The following TRPC7 variants were observed in gnomAD, a reference collection of about 807,000 sequenced individuals.
TRPC7 encodes transient receptor potential cation channel subfamily C member 7.
In TRPC7, 42 loss-of-function variants were observed where a neutral mutation model predicts 90.1. That is an observed-to-expected ratio of 0.47 (90% CI 0.36 to 0.60). The LOEUF (loss-of-function observed/expected upper bound fraction) is 0.60. TRPC7 is among the 20% of genes least tolerant of loss of function. The probability of loss-of-function intolerance (pLI) is 0.00; values close to 1 mark genes in which losing one functional copy is unlikely to be tolerated. For missense variants in TRPC7, 955 were observed against 1,112.3 expected, an observed-to-expected ratio of 0.86 and a Z score of 2.01; for synonymous variants, 451 against 436.3, an observed-to-expected ratio of 1.03 and a Z score of -0.42.
intron 5 of TRPC7, among the ~76,000 whole-genome samples, chr5:136,259,071 ATCC>A (rs1756773429): frequency 6.6e-6 from 1 of 152,234 alleles, no homozygotes; most frequent in African/African-American, 2.4e-5. Flanking sequence ...CCTCCTCTTC[ATCC>A]TCCTCTTCTT....
intron 5 of TRPC7, among the ~76,000 whole-genome samples, chr5:136,263,127 C>T (rs142724445): frequency 7.4e-4 from 113 of 152,294 alleles, no homozygotes; most frequent in South Asian, 1.2e-3. Flanking sequence ...AAAGCCGAAC[C>T]GTTTTCAGAG....
intron 1 of TRPC7, among the ~76,000 whole-genome samples, chr5:136,358,140 G>A (rs946827629): frequency 1.3e-5 from 2 of 152,176 alleles, no homozygotes; most frequent in African/African-American, 2.4e-5. Flanking sequence ...ATGTGGCAGG[G>A]AGCAGGACTA....
At chr5:136,292,692 C>T (rs1441769224) in intron 3 of TRPC7, among the ~76,000 whole-genome samples, 2 of 152,166 alleles carry the variant, frequency 1.3e-5, no homozygotes, top group Non-Finnish European at 1.5e-5. Context: ...CAGATGGATT[C>T]ACAGCCGAAT....
chr5:136,227,700 G>A (rs1189056322), intron 8 of TRPC7, among the ~76,000 whole-genome samples: 1 of 152,212 alleles, frequency 6.6e-6, no homozygotes, highest in African/African-American at 2.4e-5. Flanking sequence ...GTGGTATAGT[G>A]CAAAGCACAT....
chr5:136,355,201 C>A (rs1202062476), intron 2 of TRPC7, among the ~76,000 whole-genome samples: 1 of 152,192 alleles, frequency 6.6e-6, no homozygotes, highest in Non-Finnish European at 1.5e-5. Flanking sequence ...TCCAGCTATA[C>A]CTTCTGCAGT....
At chr5:136,266,552 A>G in intron 4 of TRPC7, 116 bp from the exon 5 acceptor site, 1 of 895,486 alleles carries the variant, frequency 1.1e-6, no homozygotes, top group African/African-American at 1.7e-5. Flanking sequence ...TTGGACAGAA[A>G]CTGCTAACTG....
chr5:136,290,366 C>A (rs980927359), intron 3 of TRPC7, among the ~76,000 whole-genome samples: 1 of 152,026 alleles, frequency 6.6e-6, no homozygotes, highest in Non-Finnish European at 1.5e-5. Context: ...GAAGTTCGAA[C>A]CAATGGCAAA....
chr5:136,328,804 C>A lies in TRPC7; in HGVS notation c.781-13025G>T, dbSNP rs188670491. On this transcript the variant is annotated intron_variant, in intron 2 of 11. Coordinates refer to ENST00000513104, the MANE Select transcript of TRPC7 (RefSeq NM_020389.3). ...ATAACTTGTCTATTTGGGGGTTGATCTTCAAGTGCCTCATCTAACAAAGCT... is the reference window on the plus strand; with the variant it reads ...ATAACTTGTCTATTTGGGGGTTGATATTCAAGTGCCTCATCTAACAAAGCT... Among the ~76,000 whole-genome samples the A allele has an allele frequency of 1.1e-3, 165 of 152,354 alleles. 3 individuals carry two copies. Among genetic ancestry groups the A allele is most frequent in the African/African-American group, 3.8e-3 (158 of 41,588 alleles).
At chr5:136,232,091 A>C (rs1399719836) in intron 7 of TRPC7, among the ~76,000 whole-genome samples, 1 of 152,186 alleles carries the variant, frequency 6.6e-6, no homozygotes, top group African/African-American at 2.4e-5. Flanking sequence ...TATTCAATCC[A>C]TTTATTGGGA....
chr5:136,350,209 A>G (rs1481977859), intron 2 of TRPC7, among the ~76,000 whole-genome samples: 1 of 152,166 alleles, frequency 6.6e-6, no homozygotes, highest in Non-Finnish European at 1.5e-5. Context: ...CAAATGAGGA[A>G]ACTACCTTCC....
Position 136,266,362 on chromosome 5 carries a change from T to C in TRPC7, c.1203A>G (p.Leu401=). 1.2e-6 allele frequency: 2 copies of C among 1,613,926 alleles called. No homozygotes were observed. The highest frequency in any genetic ancestry group is 1.7e-6 in the Non-Finnish European group (2 of 1,179,824). Residue 401 remains leucine (L), a synonymous_variant, in exon 5 of 12, where the codon TTA becomes TTG. Coordinates refer to ENST00000513104, the MANE Select transcript of TRPC7 (RefSeq NM_020389.3). ...HAVSFTIFLG[L]LVVNASDRFE... ...ATCGGTCAGATGCATTCACAACTAA[T>C]AATCCCAAGAAGATTGTAAAAGAAA... is the stretch of plus-strand genomic sequence containing the variant.
chr5:136,312,624 GA>G (rs1413494310), intron 3 of TRPC7, among the ~76,000 whole-genome samples: 2 of 152,200 alleles, frequency 1.3e-5, no homozygotes, highest in African/African-American at 2.4e-5. Flanking sequence ...CTGGTCAACA[GA>G]AACCCAGTTC....
At chr5:136,240,136 A>G (rs1216564724) in intron 7 of TRPC7, among the ~76,000 whole-genome samples, 1 of 152,184 alleles carries the variant, frequency 6.6e-6, no homozygotes, top group Non-Finnish European at 1.5e-5. Context: ...CCATCTACCC[A>G]AATGCCTTCC....
intron 5 of TRPC7, among the ~76,000 whole-genome samples, chr5:136,258,044 G>A (rs1479922879): frequency 6.6e-6 from 1 of 152,152 alleles, no homozygotes; most frequent in African/African-American, 2.4e-5. Flanking sequence ...TGAAATGAAT[G>A]AATTTGGAGT....
intron 2 of TRPC7, among the ~76,000 whole-genome samples, chr5:136,347,914 T>C (rs774403569): frequency 5.9e-5 from 9 of 152,176 alleles, no homozygotes; most frequent in Non-Finnish European, 7.3e-5. Flanking sequence ...AAAACGGTGG[T>C]CCTGGAAGCA....
intron 10 of TRPC7, chr5:136,222,149 G>C (rs1034768437): frequency 1.3e-5 from 2 of 148,584 alleles, no homozygotes; most frequent in Non-Finnish European, 3.0e-5. Context: ...ACACCCTGGA[G>C]CCTAAGGAAA....
At position 136,365,302 on chromosome 5, in the gene TRPC7, C is replaced by T; in HGVS notation, c.-48G>A. 1 of 1,536,556 alleles carries T rather than the reference C, an allele frequency of 6.5e-7. No homozygotes were observed. Among genetic ancestry groups the T allele is most frequent in the South Asian group, 1.2e-5 (1 of 84,038 alleles). On this transcript the variant is annotated 5_prime_UTR_variant, in exon 1 of 12. Coordinates refer to ENST00000513104, the MANE Select transcript of TRPC7 (RefSeq NM_020389.3). ...GTTCCTCCTCTAGATGACCGGAATC[C>T]GGTGTTGAGTCGCCAGAAGCTGGCT...
chr5:136,223,647 A>G (rs1379236309), intron 10 of TRPC7, among the ~76,000 whole-genome samples: 2 of 151,900 alleles, frequency 1.3e-5, no homozygotes, highest in Non-Finnish European at 2.9e-5. Context: ...AAAAAAAAGT[A>G]AAAAAAGAAA....
intron 8 of TRPC7, 52 bp from the exon 9 acceptor site, chr5:136,226,307 C>A: frequency 7.4e-7 from 1 of 1,357,220 alleles, no homozygotes; most frequent in Non-Finnish European, 1.0e-6. Context: ...GATTTAACAA[C>A]GGAGCCCAAC....
Sources: allele counts gnomAD v4.1 joint callset (sites outside exome capture counted in the v4.1 genomes callset), GRCh38; gene constraint gnomAD v4.1.1; transcripts MANE v1.5; gene names NCBI Gene and HGNC (gene_info 2026-07-23, HGNC 2026-07-21).